The following CNTNAP2 variants were observed in gnomAD, a reference collection of about 807,000 sequenced individuals.
CNTNAP2 encodes contactin-associated protein-like 2.
CNTNAP2 carries 98 observed loss-of-function variants against 155.2 expected under a neutral mutation model. The observed-to-expected ratio is 0.63, with a 90% CI of 0.54 to 0.75. The LOEUF (loss-of-function observed/expected upper bound fraction) is 0.75. Ranked by LOEUF, CNTNAP2 falls within the 30% of genes least tolerant of loss-of-function variation. The pLI is 0.00. For missense variants in CNTNAP2, 1,727 were observed against 1,688.1 expected, an observed-to-expected ratio of 1.02 and a Z score of -0.40; for synonymous variants, 651 against 631.2, an observed-to-expected ratio of 1.03 and a Z score of -0.47.
At chr7:148,116,137 TA>T (rs772557174) in intron 15 of CNTNAP2, among the ~76,000 whole-genome samples, 627 of 127,846 alleles carry the variant, frequency 4.9e-3, no homozygotes, top group Admixed American at 4.6e-3. Flanking sequence ...AGACTCTGTC[TA>T]AAAAAAAAAA....
At chr7:146,714,577 C>T (rs1333480910) in intron 1 of CNTNAP2, among the ~76,000 whole-genome samples, 1 of 152,160 alleles carries the variant, frequency 6.6e-6, no homozygotes, top group Non-Finnish European at 1.5e-5. Context: ...TCATGTACTA[C>T]TGATTTTTCT....
intron 14 of CNTNAP2, among the ~76,000 whole-genome samples, chr7:147,913,145 A>G (rs1040905711): frequency 6.6e-6 from 1 of 152,242 alleles, no homozygotes; most frequent in Non-Finnish European, 1.5e-5. Flanking sequence ...AAAATGTAAC[A>G]CATGTCCAAA....
chr7:146,899,028 T>C (rs1194829332), intron 3 of CNTNAP2, among the ~76,000 whole-genome samples: 1 of 152,210 alleles, frequency 6.6e-6, no homozygotes, highest in East Asian at 1.9e-4. Flanking sequence ...TGTGTGGCAC[T>C]GGAAACTTTC....
intron 9 of CNTNAP2, among the ~76,000 whole-genome samples, chr7:147,393,873 T>C (rs1796765157): frequency 6.6e-6 from 1 of 152,054 alleles, no homozygotes; most frequent in South Asian, 2.1e-4. Context: ...GATTAATCCT[T>C]ATAGGAGATT....
At chr7:147,177,090 C>T in intron 8 of CNTNAP2, among the ~76,000 whole-genome samples, 1 of 146,568 alleles carries the variant, frequency 6.8e-6, no homozygotes, top group South Asian at 2.1e-4. Flanking sequence ...ATAATAGAAT[C>T]ATATTCTGTC....
chr7:146,205,073 A>G (rs71530727), intron 1 of CNTNAP2, among the ~76,000 whole-genome samples: 19,665 of 152,044 alleles, frequency 0.13, 1,594 homozygotes, highest in Middle Eastern at 0.19. Flanking sequence ...GTAGGCAAGT[A>G]AGCAAGTGTT....
chr7:148,267,153 A>ATGCG, intron 21 of CNTNAP2, 27 bp downstream of exon 21: 1 of 1,561,302 alleles, frequency 6.4e-7, no homozygotes. Context: ...TTAGGTATAA[A>ATGCG]TGCGTGCTAC....
intron 1 of CNTNAP2, among the ~76,000 whole-genome samples, chr7:146,161,617 C>A (rs1310594050): frequency 6.6e-6 from 1 of 152,166 alleles, no homozygotes; most frequent in African/African-American, 2.4e-5. Flanking sequence ...AATGGCATCA[C>A]CATCAAGCTA....
chr7:146,668,845 G>C lies in CNTNAP2; in HGVS notation c.98-105426G>C, dbSNP rs760825757. ...CTTTGTATTATGTGGTATTTGTTAT[G>C]ATGCCTCCTTTTTCATTTATGATTT... On this transcript the variant is annotated intron_variant, in intron 1 of 23. Coordinates refer to ENST00000361727, the MANE Select transcript of CNTNAP2 (RefSeq NM_014141.6). Among the ~76,000 whole-genome samples, 60 of 152,034 alleles carry C rather than the reference G, an allele frequency of 3.9e-4. 1 individual carries two copies. Among genetic ancestry groups the C allele is most frequent in the Middle Eastern group, 3.4e-3 (1 of 294 alleles).
intron 8 of CNTNAP2, among the ~76,000 whole-genome samples, chr7:147,155,335 G>A (rs925279453): frequency 2.0e-5 from 3 of 152,128 alleles, no homozygotes; most frequent in African/African-American, 7.2e-5. Context: ...TCCTAACTGT[G>A]AGAAATAAGT....
At chr7:146,706,511 C>A (rs1800968230) in intron 1 of CNTNAP2, among the ~76,000 whole-genome samples, 1 of 151,934 alleles carries the variant, frequency 6.6e-6, no homozygotes, top group South Asian at 2.1e-4. Context: ...AATAGTATAC[C>A]ATGCTAATAA....
intron 21 of CNTNAP2, among the ~76,000 whole-genome samples, chr7:148,316,349 T>TA (rs59955297): frequency 0.78 from 115,611 of 149,138 alleles, 46,210 homozygotes; most frequent in Non-Finnish European, 0.88. Context: ...AAAAATATAT[T>TA]AAAAAAAAAA....
At chr7:148,258,829 G>A (rs1253704239) in intron 20 of CNTNAP2, among the ~76,000 whole-genome samples, 3 of 151,916 alleles carry the variant, frequency 2.0e-5, no homozygotes, top group Non-Finnish European at 4.4e-5. Context: ...CCAGGAATTT[G>A]AGACAAGCCT....
intron 4 of CNTNAP2, among the ~76,000 whole-genome samples, chr7:147,095,590 G>T (rs1800514647): frequency 6.6e-6 from 1 of 151,814 alleles, no homozygotes; most frequent in African/African-American, 2.4e-5. Flanking sequence ...TCAGATGTAT[G>T]TTGTTTCATT....
chr7:148,363,427 A>ACAGTAATATTAT (rs1239436247), intron 21 of CNTNAP2, among the ~76,000 whole-genome samples: 1 of 152,156 alleles, frequency 6.6e-6, no homozygotes, highest in Non-Finnish European at 1.5e-5. Flanking sequence ...AATATACAAG[A>ACAGTAATATTAT]CAGTAATATT....
chr7:146,348,030 G>C (rs1182053690), intron 1 of CNTNAP2, among the ~76,000 whole-genome samples: 2 of 152,156 alleles, frequency 1.3e-5, no homozygotes, highest in African/African-American at 4.8e-5. Flanking sequence ...TTTACAGCTA[G>C]TTCAGAGAAC....
chr7:148,147,753 T>C (rs1334924321), intron 17 of CNTNAP2, 44 bp downstream of exon 17: 1 of 1,576,214 alleles, frequency 6.3e-7, no homozygotes, highest in South Asian at 1.1e-5. Flanking sequence ...TGTTGATTTT[T>C]AAGAGCCTGC....
chr7:148,031,933 C>T (rs1802483770), intron 15 of CNTNAP2, among the ~76,000 whole-genome samples: 1 of 152,146 alleles, frequency 6.6e-6, no homozygotes, highest in South Asian at 2.1e-4. Flanking sequence ...ACTAAGTTAT[C>T]TACTTAGGGA....
chr7:147,935,454 G>A (rs899981018), intron 14 of CNTNAP2, among the ~76,000 whole-genome samples: 1 of 152,100 alleles, frequency 6.6e-6, no homozygotes, highest in African/African-American at 2.4e-5. Flanking sequence ...AATTACTGAA[G>A]CTGAGTTTAA....
Sources: gnomAD v4.1 joint callset for allele counts (sites outside exome capture counted in the v4.1 genomes callset) on GRCh38, gnomAD v4.1.1 for gene constraint, MANE v1.5 for transcripts, NCBI Gene and HGNC (gene_info 2026-07-23, HGNC 2026-07-21) for gene names.